COG6: variants seen among roughly 807,000 people sequenced by gnomAD.
COG6 encodes component of oligomeric golgi complex 6, also known as conserved oligomeric Golgi complex subunit 6.
COG6 carries 74 observed loss-of-function variants against 88.8 expected under a neutral mutation model. That is an observed-to-expected ratio of 0.83 (90% CI 0.69 to 1.01). The LOEUF is 1.01. Among genes scored for constraint, COG6 ranks in the 50% least tolerant of loss-of-function variants. The probability of loss-of-function intolerance (pLI) is 0.00; values close to 1 mark genes in which losing one functional copy is unlikely to be tolerated. For synonymous variants in COG6, 286 were observed against 278.7 expected (o/e 1.03, Z -0.26); for missense variants, 800 against 797.9 (o/e 1.00, Z -0.03).
intron 14 of COG6, 81 bp from the exon 15 acceptor site, chr13:39,719,579 T>G (rs1423789435): frequency 5.8e-6 from 8 of 1,375,302 alleles, no homozygotes; most frequent in Non-Finnish European, 8.2e-6. Context: ...TCCTTCCAAT[T>G]AGTTTGGCAT....
At chr13:39,678,348 A>G (rs755010574) in intron 5 of COG6, among the ~76,000 whole-genome samples, 2 of 152,198 alleles carry the variant, frequency 1.3e-5, no homozygotes, top group Non-Finnish European at 2.9e-5. Context: ...TGCTGGGACT[A>G]TAGGTCTGAG....
rs183126160 is a variant in COG6 at position 39,677,142 on chromosome 13, A to G, written c.429-326A>G. ...TTTCTCTCTTATAAAAGCATCTAGC[A>G]AACTGCAAGGTGAACTATTTAAGTA... On this transcript the variant is annotated intron_variant, in intron 4 of 18. Coordinates refer to ENST00000455146, the MANE Select transcript of COG6 (RefSeq NM_020751.3). Among the ~76,000 whole-genome samples, 476 of 152,332 alleles carry G rather than the reference A, an allele frequency of 3.1e-3. 1 individual carries two copies. Among genetic ancestry groups the G allele is most frequent in the African/African-American group, 0.011 (448 of 41,582 alleles).
chr13:39,738,235 C>G (rs1286009852), intron 18 of COG6, among the ~76,000 whole-genome samples: 1 of 152,026 alleles, frequency 6.6e-6, no homozygotes, highest in Non-Finnish European at 1.5e-5. Flanking sequence ...CATCTTTCTC[C>G]TAATTGTGGA....
At chr13:39,745,156 A>G (rs1880272362) in intron 18 of COG6, among the ~76,000 whole-genome samples, 1 of 152,252 alleles carries the variant, frequency 6.6e-6, no homozygotes, top group Non-Finnish European at 1.5e-5. Context: ...AAACTTAGCC[A>G]ATACCATTCA....
intron 18 of COG6, among the ~76,000 whole-genome samples, chr13:39,743,108 T>C (rs1880138066): frequency 6.6e-6 from 1 of 152,160 alleles, no homozygotes; most frequent in South Asian, 2.1e-4. Flanking sequence ...TAAAGCAGTG[T>C]GTGAGGGAAA....
chr13:39,787,426 C>G (rs1386361589), intron 18 of COG6, among the ~76,000 whole-genome samples: 1 of 151,608 alleles, frequency 6.6e-6, no homozygotes, highest in East Asian at 1.9e-4. Flanking sequence ...ACCCTACAAC[C>G]CTAAGAAATG....
At chr13:39,732,732 A>AATAGATG (rs1194013935) in intron 18 of COG6, among the ~76,000 whole-genome samples, 1 of 152,218 alleles carries the variant, frequency 6.6e-6, no homozygotes, top group Non-Finnish European at 1.5e-5. Context: ...AAGGCTGGAA[A>AATAGATG]ATAGATGGAG....
intron 3 of COG6, among the ~76,000 whole-genome samples, chr13:39,664,518 T>C (rs1875120485): frequency 6.6e-6 from 1 of 152,224 alleles, no homozygotes; most frequent in Non-Finnish European, 1.5e-5. Context: ...CTTTCCACTT[T>C]TGATCAACTC....
intron 18 of COG6, among the ~76,000 whole-genome samples, chr13:39,747,684 G>C (rs912483134): frequency 9.2e-5 from 14 of 152,052 alleles, no homozygotes; most frequent in Non-Finnish European, 1.9e-4. Flanking sequence ...ATGTGGTACT[G>C]CTTTATTTTA....
chr13:39,765,890 C>G (rs906130872), intron 18 of COG6, among the ~76,000 whole-genome samples: 5 of 152,228 alleles, frequency 3.3e-5, no homozygotes, highest in African/African-American at 1.2e-4. Flanking sequence ...TCTAACCGAG[C>G]ACATATTCTG....
At position 39,655,857 on chromosome 13, in the gene COG6, A is replaced by G; in HGVS notation, c.131A>G (p.Glu44Gly). 6.2e-7 allele frequency: 1 copy of G among 1,607,100 alleles called. No homozygotes were observed. The highest frequency in any genetic ancestry group is 8.5e-7 in the Non-Finnish European group (1 of 1,177,622). ...TCGCGCAAGCTGCATAAGATCCTGG[A>G]GACGCGGCTGGACAACGACAAGGTA... ...PLSRKLHKIL[E>G]TRLDNDKEML... Residue 44 changes from glutamate (E) to glycine (G), a missense_variant, in exon 1 of 19, where the codon GAG becomes GGG. Glu to Gly is a moderately conservative substitution (Grantham distance 98). Transcript: ENST00000455146.
chr13:39,701,102 A>G (rs9652259), intron 13 of COG6, among the ~76,000 whole-genome samples: 65 of 152,048 alleles, frequency 4.3e-4, no homozygotes, highest in African/African-American at 1.4e-3. Flanking sequence ...GTTTTTATTC[A>G]TACATGATCT....
At chr13:39,673,446 C>T (rs980716493) in intron 4 of COG6, among the ~76,000 whole-genome samples, 1 of 151,844 alleles carries the variant, frequency 6.6e-6, no homozygotes, top group Non-Finnish European at 1.5e-5. Flanking sequence ...CTTTCAAAAA[C>T]GTTTAACTTT....
At chr13:39,662,142 A>ATTTTT (rs10629485) in intron 3 of COG6, among the ~76,000 whole-genome samples, 2 of 130,654 alleles carry the variant, frequency 1.5e-5, no homozygotes, top group African/African-American at 2.9e-5. Flanking sequence ...TGTCCTTTGT[A>ATTTTT]TTTTTTTTTT....
rs116781959 is a variant in COG6 at position 39,701,345 on chromosome 13, A to T, written c.1284+1727A>T. On this transcript the variant is annotated intron_variant, in intron 13 of 18. Coordinates refer to ENST00000455146, the MANE Select transcript of COG6 (RefSeq NM_020751.3). Reference sequence around the variant, plus strand: ...AGGTGCCTATGAGAGATCCCTCTGGAATTGGTCTAATCTAAAAGGGAGTGA... The same window carrying T: ...AGGTGCCTATGAGAGATCCCTCTGGTATTGGTCTAATCTAAAAGGGAGTGA... 8.3e-3 allele frequency among the ~76,000 whole-genome samples: 1,262 copies of T among 151,948 alleles called. 21 individuals are homozygous for T. The highest frequency in any genetic ancestry group is 0.029 in the African/African-American group (1,196 of 41,498).
chr13:39,759,400 A>G (rs1231064979), intron 18 of COG6, among the ~76,000 whole-genome samples: 2 of 152,136 alleles, frequency 1.3e-5, no homozygotes, highest in Non-Finnish European at 2.9e-5. Context: ...GTCTTGGAAT[A>G]TTTACCAGTT....
chr13:39,784,793 C>T (rs1881725013), intron 18 of COG6, among the ~76,000 whole-genome samples: 1 of 152,202 alleles, frequency 6.6e-6, no homozygotes, highest in Non-Finnish European at 1.5e-5. Context: ...GGCTCCCACT[C>T]TGAAGGCTGG....
chr13:39,748,126 G>T (rs1025999451), intron 18 of COG6, among the ~76,000 whole-genome samples: 1 of 152,124 alleles, frequency 6.6e-6, no homozygotes, highest in Admixed American at 6.6e-5. Flanking sequence ...GCTTAGAAAA[G>T]AACTAAGAAC....
chr13:39,778,710 C>T (rs1881542335), intron 18 of COG6, among the ~76,000 whole-genome samples: 1 of 152,202 alleles, frequency 6.6e-6, no homozygotes, highest in Non-Finnish European at 1.5e-5. Context: ...GGCAGTTTTG[C>T]CTCAGGGGCT....
Sources: allele counts gnomAD v4.1 joint callset (sites outside exome capture counted in the v4.1 genomes callset), GRCh38; gene constraint gnomAD v4.1.1; transcripts MANE v1.5; gene names NCBI Gene and HGNC (gene_info 2026-07-23, HGNC 2026-07-21).